The following NINL variants were observed in gnomAD, a reference collection of about 807,000 sequenced individuals.
NINL encodes the protein ninein-like protein.
A neutral mutation model predicts 160.3 loss-of-function variants in NINL; 153 were observed. That is an observed-to-expected ratio of 0.95 (90% CI 0.84 to 1.09). The LOEUF is 1.09. Ranked by LOEUF, NINL falls within the 50% of genes least tolerant of loss-of-function variation. NINL has a pLI of 0.00. For missense variants in NINL, 1,829 were observed against 1,764.0 expected, an observed-to-expected ratio of 1.04 and a Z score of -0.66; for synonymous variants, 800 against 734.8, an observed-to-expected ratio of 1.09 and a Z score of -1.43.
At chr20:25,488,952 C>T (rs2063560724) in intron 13 of NINL, 1 of 430,662 alleles carries the variant, frequency 2.3e-6, no homozygotes, top group Admixed American at 3.5e-5. Flanking sequence ...TCCTATGTCT[C>T]CAACTGACAG....
chr20:25,527,944 C>T (rs1301226579), intron 1 of NINL, among the ~76,000 whole-genome samples: 2 of 152,028 alleles, frequency 1.3e-5, no homozygotes, highest in African/African-American at 4.8e-5. Flanking sequence ...AAGAAAATAA[C>T]CTAAAATATC....
chr20:25,549,478 T>C (rs1313588340), intron 1 of NINL, among the ~76,000 whole-genome samples: 1 of 150,608 alleles, frequency 6.6e-6, no homozygotes. Flanking sequence ...CCAGACACTG[T>C]CTCTCTGGCC....
chr20:25,483,190 C>T (rs1196014356), intron 13 of NINL, among the ~76,000 whole-genome samples: 1 of 151,592 alleles, frequency 6.6e-6, no homozygotes, highest in African/African-American at 2.4e-5. Context: ...AAAAACTAGC[C>T]AGGCGTGGTG....
At chr20:25,504,749 C>A in intron 6 of NINL, 139 bp downstream of exon 6, 1 of 912,946 alleles carries the variant, frequency 1.1e-6, no homozygotes, top group Non-Finnish European at 1.6e-6. Flanking sequence ...GCAGAAATGC[C>A]AAGAGCCACC....
chr20:25,575,980 A>G (rs2065110864), intron 1 of NINL, among the ~76,000 whole-genome samples: 1 of 152,120 alleles, frequency 6.6e-6, no homozygotes, highest in Non-Finnish European at 1.5e-5. Context: ...GTATCCCTAA[A>G]TAGTTCAAAA....
At chr20:25,464,324 G>A (rs971553429) in intron 19 of NINL, among the ~76,000 whole-genome samples, 2 of 152,186 alleles carry the variant, frequency 1.3e-5, no homozygotes, top group Non-Finnish European at 2.9e-5. Flanking sequence ...GGCTGAGGCA[G>A]GAGAATCGAT....
intron 1 of NINL, among the ~76,000 whole-genome samples, chr20:25,556,700 G>A (rs757305339): frequency 2.6e-5 from 4 of 152,084 alleles, no homozygotes; most frequent in East Asian, 1.9e-4. Context: ...CCAACTACGC[G>A]GGAGGCTGAG....
At chr20:25,549,019 C>A (rs1427036972) in intron 1 of NINL, among the ~76,000 whole-genome samples, 25 of 140,694 alleles carry the variant, frequency 1.8e-4, no homozygotes, top group Admixed American at 1.7e-3. Flanking sequence ...ACCCCAGTAC[C>A]CACAGCCACA....
intron 8 of NINL, among the ~76,000 whole-genome samples, chr20:25,499,585 C>T (rs908081424): frequency 2.0e-5 from 3 of 152,138 alleles, no homozygotes; most frequent in Non-Finnish European, 4.4e-5. Flanking sequence ...ATCCTGCCTC[C>T]GCCTCTGGCT....
intron 1 of NINL, among the ~76,000 whole-genome samples, chr20:25,583,504 G>T (rs2065196080): frequency 6.6e-6 from 1 of 152,170 alleles, no homozygotes; most frequent in African/African-American, 2.4e-5. Context: ...GGAGGAATAG[G>T]AACGCTTTTA....
At chr20:25,574,396 A>G (rs2065091321) in intron 1 of NINL, among the ~76,000 whole-genome samples, 1 of 152,190 alleles carries the variant, frequency 6.6e-6, no homozygotes, top group Admixed American at 6.5e-5. Context: ...AGGCATAAAA[A>G]TGCCATTGAA....
At chr20:25,522,915 G>A (rs2064288369) in intron 2 of NINL, among the ~76,000 whole-genome samples, 2 of 152,190 alleles carry the variant, frequency 1.3e-5, no homozygotes, top group Admixed American at 1.3e-4. Context: ...TGCAATGTGT[G>A]ATCTAGAGGT....
At chr20:25,507,634 A>G (rs1177454103) in intron 5 of NINL, among the ~76,000 whole-genome samples, 2 of 152,174 alleles carry the variant, frequency 1.3e-5, no homozygotes, top group Admixed American at 1.3e-4. Context: ...CTTCAGGTAG[A>G]TGAGCCATGT....
At chr20:25,560,854 T>C in intron 1 of NINL, among the ~76,000 whole-genome samples, 1 of 152,152 alleles carries the variant, frequency 6.6e-6, no homozygotes, top group Non-Finnish European at 1.5e-5. Context: ...AAAAATATCT[T>C]TCACGAATTA....
chr20:25,579,512 C>T (rs1036143360), intron 1 of NINL, among the ~76,000 whole-genome samples: 2 of 152,196 alleles, frequency 1.3e-5, no homozygotes, highest in Non-Finnish European at 2.9e-5. Context: ...TATGGTGAGG[C>T]TCACACAGCC....
At chr20:25,456,609 G>A (rs1361307100) in intron 22 of NINL, among the ~76,000 whole-genome samples, 1 of 151,840 alleles carries the variant, frequency 6.6e-6, no homozygotes, top group Non-Finnish European at 1.5e-5. Flanking sequence ...ATTTTAAAAA[G>A]AATCAGCTCA....
At chr20:25,504,187 C>T (rs2063920460) in intron 6 of NINL, 83 bp from the exon 7 acceptor site, 2 of 1,428,284 alleles carry the variant, frequency 1.4e-6, no homozygotes, top group South Asian at 1.4e-5. Context: ...CCCTCCCTCC[C>T]TCTGGTTCCA....
chr20:25,570,693 AC>A (rs1205788294), intron 1 of NINL, among the ~76,000 whole-genome samples: 27 of 74,128 alleles, frequency 3.6e-4, no homozygotes, highest in South Asian at 1.2e-3. Flanking sequence ...GGGCAAGTAG[AC>A]TTTTTTTTTT....
chr20:25,504,396 T>G (rs1347723908), intron 6 of NINL, among the ~76,000 whole-genome samples: 1 of 152,230 alleles, frequency 6.6e-6, no homozygotes. Flanking sequence ...GGCTGGATCC[T>G]GCGGGATGCT....
Sources: gnomAD v4.1 joint callset for allele counts (sites outside exome capture counted in the v4.1 genomes callset) on GRCh38, gnomAD v4.1.1 for gene constraint, MANE v1.5 for transcripts, NCBI Gene and HGNC (gene_info 2026-07-23, HGNC 2026-07-21) for gene names.